The following PLEKHM1 variants were observed in gnomAD, a reference collection of about 807,000 sequenced individuals.
PLEKHM1 encodes pleckstrin homology domain-containing family M member 1.
A neutral mutation model predicts 94.3 loss-of-function variants in PLEKHM1; 28 were observed. That is an observed-to-expected ratio of 0.30 (90% confidence interval 0.22 to 0.41). The LOEUF is 0.41. PLEKHM1 is among the 10% of genes least tolerant of loss of function. The probability of loss-of-function intolerance (pLI) is 1.00; values close to 1 mark genes in which losing one functional copy is unlikely to be tolerated. For synonymous variants in PLEKHM1, 424 were observed against 581.2 expected (o/e 0.73, Z 3.89); for missense variants, 907 against 1,358.6 (o/e 0.67, Z 5.22).
chr17:45,477,648 T>C, intron 3 of PLEKHM1: 1 of 542,926 alleles, frequency 1.8e-6, no homozygotes, highest in South Asian at 2.0e-5. Flanking sequence ...CTGCTTTTTG[T>C]GACCAGTCTC....
Position 45,453,347 on chromosome 17 carries a change from A to C in PLEKHM1, c.2497+8T>G. 2 of 1,611,516 alleles carry C rather than the reference A, an allele frequency of 1.2e-6. No individual in the cohort carries two copies. Among genetic ancestry groups the C allele is most frequent in the Non-Finnish European group, 1.7e-6 (2 of 1,178,764 alleles). On this transcript the variant is annotated splice_region_variant and intron_variant, in intron 7 of 11. Coordinates refer to ENST00000430334, the MANE Select transcript of PLEKHM1 (RefSeq NM_014798.3). The surrounding 1 kb of genome is among the most constrained non-coding windows in gnomAD (Gnocchi z 4.1). ...CAGGCTGGGGGTGGCAGCAGAGCAA[A>C]TCGGCACCTGCGCAGAAGCAGCCTT...
chr17:45,471,049 GA>G (rs935916868), intron 4 of PLEKHM1, among the ~76,000 whole-genome samples: 1 of 152,080 alleles, frequency 6.6e-6, no homozygotes, highest in Non-Finnish European at 1.5e-5. Context: ...AAATTATACA[GA>G]AGGGCCTATT....
chr17:45,478,582 G>A (rs1481812438), intron 2 of PLEKHM1, among the ~76,000 whole-genome samples: 1 of 152,174 alleles, frequency 6.6e-6, no homozygotes, highest in African/African-American at 2.4e-5. Context: ...GAATCAATAA[G>A]CCAAGAGGCA....
chr17:45,451,956 T>G (rs960539660), intron 7 of PLEKHM1, among the ~76,000 whole-genome samples: 4 of 152,224 alleles, frequency 2.6e-5, no homozygotes, highest in African/African-American at 9.6e-5. Flanking sequence ...CTGTTCTGCC[T>G]AGCTTCTCCC....
At position 45,453,325 on chromosome 17, in the gene PLEKHM1, G is replaced by C. The variant is rs1222712631; in HGVS notation, c.2497+30C>G. Reference sequence around the variant, plus strand: ...GCAGGAGGTGGAGTGAGGCTGGCAGGCTGGGGGTGGCAGCAGAGCAAATCG... The same window carrying C: ...GCAGGAGGTGGAGTGAGGCTGGCAGCCTGGGGGTGGCAGCAGAGCAAATCG... On this transcript the variant is annotated intron_variant, in intron 7 of 11. Coordinates refer to ENST00000430334, the MANE Select transcript of PLEKHM1 (RefSeq NM_014798.3). This position sits in a 1 kb window ranked among gnomAD's most constrained non-coding sequence, Gnocchi z 4.1. 14 of 1,603,180 alleles carry C rather than the reference G, an allele frequency of 8.7e-6. No homozygotes were observed. The highest frequency in any genetic ancestry group is 1.2e-5 in the Non-Finnish European group (14 of 1,174,884).
Position 45,475,402 on chromosome 17 carries a change from G to C in PLEKHM1, c.621C>G (p.Leu207=), listed in dbSNP as rs767105534. ...GCTGTAGTTCTGCACCAGAGGTAGAGAGAGGGTCCAGCTCAGAAAGCGGGC... is the reference window on the plus strand; with the variant it reads ...GCTGTAGTTCTGCACCAGAGGTAGACAGAGGGTCCAGCTCAGAAAGCGGGC... ...GLCPLSELDP[L]STSGAELQRK... is the part of the protein sequence containing the mutation. The change falls in exon 4 of 12, where the codon CTC becomes CTG. Residue 207 remains leucine (L), a synonymous_variant. Transcript: ENST00000430334. 5.3e-5 allele frequency: 86 copies of C among 1,613,762 alleles called. No homozygotes were observed. The highest frequency in any genetic ancestry group is 1.6e-4 in the Middle Eastern group (1 of 6,074).
intron 6 of PLEKHM1, chr17:45,454,700 G>C (rs533730418): frequency 1.2e-5 from 4 of 346,254 alleles, no homozygotes; most frequent in African/African-American, 8.3e-5. Context: ...TCTCTATGGG[G>C]TGACTCCCAT....
At chr17:45,485,454 G>C (rs1213001363) in intron 1 of PLEKHM1, among the ~76,000 whole-genome samples, 1 of 152,086 alleles carries the variant, frequency 6.6e-6, no homozygotes, top group African/African-American at 2.4e-5. Flanking sequence ...GGGACCCTAA[G>C]GACTTAGACC....
chr17:45,488,676 C>G (rs548944265), intron 1 of PLEKHM1, among the ~76,000 whole-genome samples: 3 of 152,156 alleles, frequency 2.0e-5, no homozygotes, highest in African/African-American at 7.2e-5. Context: ...CGGCGGCTCA[C>G]GCCCGTAATC....
intron 4 of PLEKHM1, among the ~76,000 whole-genome samples, chr17:45,471,185 A>G (rs1411566727): frequency 6.6e-6 from 1 of 152,006 alleles, no homozygotes; most frequent in African/African-American, 2.4e-5. Flanking sequence ...TGATAAGCAC[A>G]TGAAAAGACA....
Position 45,475,244 on chromosome 17 carries a change from G to C in PLEKHM1, c.779C>G (p.Ser260Cys). 1 of 1,614,014 alleles carries C rather than the reference G, an allele frequency of 6.2e-7. No individual in the cohort carries two copies. Among genetic ancestry groups the C allele is most frequent in the South Asian group, 1.1e-5 (1 of 91,078 alleles). The change falls in exon 4 of 12, where the codon TCC (serine) becomes TGC (cysteine). Residue 260 changes from serine (S) to cysteine (C), a missense_variant. Ser to Cys is a moderately radical substitution (Grantham distance 112). Transcript: ENST00000430334. ...SSLSLDTASS[S>C]QLSCSLNSDS... is the part of the protein sequence containing the mutation. ...AGAGTTTAGGCTGCAGGACAGCTGGGATGAACTGGCCGTGTCCAGGCTGAG... is the reference window on the plus strand; with the variant it reads ...AGAGTTTAGGCTGCAGGACAGCTGGCATGAACTGGCCGTGTCCAGGCTGAG...
At position 45,468,321 on chromosome 17, in the gene PLEKHM1, G is replaced by C; in HGVS notation, c.1196C>G (p.Ser399Cys). ...PVESTSGQQP[S>C]STVSETAREV... ...TCTGGCTGTCTCGCTGACAGTACTA[G>C]AAGGCTGCTGGCCTGAGGTGCTCTC... The change falls in exon 5 of 12, where the codon TCT (serine) becomes TGT (cysteine). Residue 399 changes from serine (S) to cysteine (C), a missense_variant. Around this residue, in one of 3 missense-constraint regions of PLEKHM1, gnomAD observed 477 missense variants for 601.5 expected, o/e 0.79. Transcript: ENST00000430334. The C allele has an allele frequency of 6.2e-7, 1 of 1,613,784 alleles. No homozygotes were observed. The highest frequency in any genetic ancestry group is 8.5e-7 in the Non-Finnish European group (1 of 1,179,922).
chr17:45,467,903 C>T (rs1032249213), intron 5 of PLEKHM1, among the ~76,000 whole-genome samples: 4 of 152,192 alleles, frequency 2.6e-5, no homozygotes, highest in African/African-American at 4.8e-5. Context: ...GCTGAGACTG[C>T]GGTCAGACAA....
Position 45,436,408 on chromosome 17 carries a change from G to A in PLEKHM1, c.*1450C>T, listed in dbSNP as rs1239535681. Reference sequence around the variant, plus strand: ...CCGTTGCCTCTGTTCTGCTGCACAGGCATCCAGCTCCAAGGCTGGGTGGGT... The same window carrying A: ...CCGTTGCCTCTGTTCTGCTGCACAGACATCCAGCTCCAAGGCTGGGTGGGT... On this transcript the variant is annotated 3_prime_UTR_variant, in exon 12 of 12. Transcript: ENST00000430334. 2.2e-6 allele frequency: 1 copy of A among 453,816 alleles called. No homozygotes were observed. Among genetic ancestry groups the A allele is most frequent in the Non-Finnish European group, 4.4e-6 (1 of 226,492 alleles). The allele number at this position is 453,816 out of a possible 1,614,324, so 28.1% of individuals were successfully genotyped here. A position where few individuals can be genotyped will look rare whatever the true frequency, so the allele number is the denominator to read the frequency against.
intron 9 of PLEKHM1, chr17:45,440,457 T>A (rs2050414968): frequency 8.2e-6 from 5 of 608,182 alleles, no homozygotes; most frequent in Non-Finnish European, 1.5e-5. Context: ...AACCTTGGGT[T>A]TCCCTCTCTG....
At chr17:45,442,360 C>T (rs1323875763) in intron 9 of PLEKHM1, among the ~76,000 whole-genome samples, 1 of 152,160 alleles carries the variant, frequency 6.6e-6, no homozygotes, top group African/African-American at 2.4e-5. Flanking sequence ...CAGGGCTCTC[C>T]CCTTCACCAA....
At chr17:45,463,256 A>G (rs2051210751) in intron 5 of PLEKHM1, among the ~76,000 whole-genome samples, 2 of 152,164 alleles carry the variant, frequency 1.3e-5, no homozygotes, top group Admixed American at 6.6e-5. Context: ...AAACAGTGGA[A>G]ATGCAGGTTC....
intron 6 of PLEKHM1, chr17:45,454,517 C>A (rs2684503): frequency 1.6e-6 from 1 of 616,440 alleles, no homozygotes; most frequent in Non-Finnish European, 2.9e-6. Context: ...CCAAAAGATC[C>A]CCTCCACACG....
At chr17:45,440,303 C>G in intron 9 of PLEKHM1, 77 bp from the exon 10 acceptor site, 1 of 1,406,934 alleles carries the variant, frequency 7.1e-7, no homozygotes, top group Non-Finnish European at 1.0e-6. Flanking sequence ...TTTACACTCC[C>G]CTGGCGCTGC....
Sources: allele counts gnomAD v4.1 joint callset (sites outside exome capture counted in the v4.1 genomes callset), GRCh38; gene constraint gnomAD v4.1.1; regional missense constraint gnomAD v4.1.1; non-coding constraint Gnocchi (gnomAD v3.1); transcripts MANE v1.5; gene names NCBI Gene and HGNC (gene_info 2026-07-23, HGNC 2026-07-21).